Variants in SHISA6 observed in about 807,000 individuals in gnomAD.
The protein encoded by SHISA6 is shisa family member 6.
A neutral mutation model predicts 47.9 loss-of-function variants in SHISA6; 22 were observed. The observed-to-expected ratio is 0.46, with a 90% CI of 0.33 to 0.66. The LOEUF (loss-of-function observed/expected upper bound fraction) is 0.66, where lower values mean the gene tolerates loss of function less well. SHISA6 is among the 30% of genes least tolerant of loss of function. The pLI is 0.02. For synonymous variants in SHISA6, 388 were observed against 337.8 expected, an observed-to-expected ratio of 1.15 and a Z score of -1.63; for missense variants, 680 against 764.6, an observed-to-expected ratio of 0.89 and a Z score of 1.30.
chr17:11,331,315 C>T (rs1911102997), intron 2 of SHISA6, among the ~76,000 whole-genome samples: 1 of 152,208 alleles, frequency 6.6e-6, no homozygotes, highest in Admixed American at 6.5e-5. Flanking sequence ...CAACAAACAG[C>T]ATTTCTCACC....
At chr17:11,248,818 G>A (rs577120325) in intron 1 of SHISA6, among the ~76,000 whole-genome samples, 114 of 152,232 alleles carry the variant, frequency 7.5e-4, no homozygotes, top group Middle Eastern at 3.4e-3. Context: ...AAAAGTCACC[G>A]AATGAAACTG....
At chr17:11,490,524 G>A (rs931709896) in intron 3 of SHISA6, among the ~76,000 whole-genome samples, 2 of 152,124 alleles carry the variant, frequency 1.3e-5, no homozygotes, top group Admixed American at 1.3e-4. Context: ...CGATTTTAAT[G>A]TGAGTCTAAT....
intron 1 of SHISA6, among the ~76,000 whole-genome samples, chr17:11,255,981 C>T (rs1597424199): frequency 6.6e-6 from 1 of 152,204 alleles, no homozygotes; most frequent in African/African-American, 2.4e-5. Context: ...TATGATAACC[C>T]TAAGAGGCAG....
intron 3 of SHISA6, among the ~76,000 whole-genome samples, chr17:11,544,236 C>T (rs1391438815): frequency 3.3e-5 from 5 of 152,030 alleles, no homozygotes; most frequent in Non-Finnish European, 4.4e-5. Flanking sequence ...AAAATTAAAA[C>T]ATTTGCTCTG....
chr17:11,556,894 T>C (rs2071986025), intron 5 of SHISA6, among the ~76,000 whole-genome samples: 1 of 152,110 alleles, frequency 6.6e-6, no homozygotes, highest in Non-Finnish European at 1.5e-5. Context: ...ACCTGCAAGT[T>C]CAAGTAGGTT....
rs188870397 is a variant in SHISA6 at position 11,299,927 on chromosome 17, C to T, written c.799+36401C>T. On this transcript the variant is annotated intron_variant, in intron 2 of 5. Coordinates refer to ENST00000441885, the MANE Select transcript of SHISA6 (RefSeq NM_207386.4). ...TTGGGAGGCTGAGGTGGGCAGATCA[C>T]GAGGTAAGGAGATCAAGACCATCCT... is the stretch of plus-strand genomic sequence containing the variant. Among the ~76,000 whole-genome samples the T allele has an allele frequency of 7.9e-5, 12 of 152,114 alleles. No homozygotes were observed. In the East Asian group the frequency reaches 1.6e-3, roughly 20 times the overall value.
At chr17:11,371,928 G>T (rs1912642568) in intron 2 of SHISA6, among the ~76,000 whole-genome samples, 1 of 151,826 alleles carries the variant, frequency 6.6e-6, no homozygotes, top group Non-Finnish European at 1.5e-5. Context: ...TTGTGTTCAT[G>T]ATTATTTCCA....
intron 2 of SHISA6, among the ~76,000 whole-genome samples, chr17:11,362,278 T>C (rs930488615): frequency 1.3e-5 from 2 of 152,156 alleles, no homozygotes; most frequent in Admixed American, 1.3e-4. Context: ...TAGCTGGGAC[T>C]ACAGGCACGT....
chr17:11,530,177 A>G (rs1214900879), intron 3 of SHISA6, among the ~76,000 whole-genome samples: 1 of 152,196 alleles, frequency 6.6e-6, no homozygotes, highest in African/African-American at 2.4e-5. Flanking sequence ...TTAAGGACAT[A>G]CACTAAGTTC....
chr17:11,463,559 T>C (rs1364628880), intron 3 of SHISA6, among the ~76,000 whole-genome samples: 2 of 152,232 alleles, frequency 1.3e-5, no homozygotes, highest in Non-Finnish European at 2.9e-5. Flanking sequence ...TGCTGTCCTT[T>C]ATTACATATC....
At chr17:11,519,996 T>A (rs961579398) in intron 3 of SHISA6, among the ~76,000 whole-genome samples, 11 of 152,190 alleles carry the variant, frequency 7.2e-5, no homozygotes, top group Admixed American at 2.0e-4. Context: ...CTCTGTTCTC[T>A]CCTAGACCTT....
Position 11,562,943 on chromosome 17 carries a change from C to T in SHISA6, c.*4639C>T, listed in dbSNP as rs1024407598. On this transcript the variant is annotated 3_prime_UTR_variant, in exon 6 of 6. Coordinates refer to ENST00000441885, the MANE Select transcript of SHISA6 (RefSeq NM_207386.4). Reference sequence around the variant, plus strand: ...TCGTACCTGAAGTTTAAGGGCCTAACCATTCAATAGGTCACCAACTGTGTG... The same window carrying T: ...TCGTACCTGAAGTTTAAGGGCCTAATCATTCAATAGGTCACCAACTGTGTG... 2 of 152,296 alleles carry T rather than the reference C, an allele frequency of 1.3e-5. No individual in the cohort carries two copies. The highest frequency in any genetic ancestry group is 2.9e-5 in the Non-Finnish European group (2 of 68,118). The allele number at this position is 152,296 out of a possible 1,614,324, so 9.4% of individuals were successfully genotyped here.
chr17:11,392,089 C>T (rs1913403900), intron 3 of SHISA6, among the ~76,000 whole-genome samples: 1 of 152,168 alleles, frequency 6.6e-6, no homozygotes, highest in African/African-American at 2.4e-5. Flanking sequence ...TTCAGAGGGG[C>T]CAGAGCTCAT....
rs1423199780 is a variant in SHISA6 at position 11,481,360 on chromosome 17, GTGTGTGTATA to G, written c.896-70534_896-70525del. ...TATGTGTGTGTGTGTGTGTGTGTGT[GTGTGTGTATA>G]TATATATATATATATATTTAGAAAC... On this transcript the variant is annotated intron_variant, in intron 3 of 5. Transcript: ENST00000441885. Among the ~76,000 whole-genome samples, 5 of 111,596 alleles carry G rather than the reference GTGTGTGTATA, an allele frequency of 4.5e-5. No individual in the cohort carries two copies. The East Asian group carries it at 7.3e-4, about 16-fold the overall frequency. The allele number at this position is 111,596 out of a possible 152,430, so 73.2% of individuals were successfully genotyped here. A position where few individuals can be genotyped will look rare whatever the true frequency, so the allele number is the denominator to read the frequency against.
At chr17:11,378,837 G>A (rs1386275688) in intron 2 of SHISA6, among the ~76,000 whole-genome samples, 1 of 152,154 alleles carries the variant, frequency 6.6e-6, no homozygotes, top group African/African-American at 2.4e-5. Flanking sequence ...GGATTTCTCT[G>A]AAGTCACGAG....
Position 11,560,015 on chromosome 17 carries a change from G to C in SHISA6, c.*1711G>C, listed in dbSNP as rs2072026370. On this transcript the variant is annotated 3_prime_UTR_variant, in exon 6 of 6. Coordinates refer to ENST00000441885, the MANE Select transcript of SHISA6 (RefSeq NM_207386.4). Reference sequence around the variant, plus strand: ...ATCCAACAGCAGTGCCCTTATAAATGGGGTTTTACCTGCCCTCAGTTCTGC... The same window carrying C: ...ATCCAACAGCAGTGCCCTTATAAATCGGGTTTTACCTGCCCTCAGTTCTGC... 6.6e-6 allele frequency: 1 copy of C among 152,224 alleles called. No homozygotes were observed. Among genetic ancestry groups the C allele is most frequent in the South Asian group, 2.1e-4 (1 of 4,824 alleles). The allele number at this position is 152,224 out of a possible 1,614,324, so 9.4% of individuals were successfully genotyped here.
At chr17:11,468,603 G>C (rs1414956157) in intron 3 of SHISA6, among the ~76,000 whole-genome samples, 2 of 152,160 alleles carry the variant, frequency 1.3e-5, no homozygotes, top group African/African-American at 2.4e-5. Flanking sequence ...ACAAGGGCTA[G>C]TCCAAGCCCG....
At chr17:11,285,761 T>G (rs1909273019) in intron 2 of SHISA6, among the ~76,000 whole-genome samples, 1 of 152,032 alleles carries the variant, frequency 6.6e-6, no homozygotes, top group Non-Finnish European at 1.5e-5. Context: ...TTGTAGAAGC[T>G]TGTGGCTGCA....
In SHISA6 at chr17:11,563,469, CATTAACCT is replaced by C. The variant is rs973711977; in HGVS notation, c.*5166_*5173del. 2.0e-5 allele frequency: 3 copies of C among 152,182 alleles called. No individual in the cohort carries two copies. Among genetic ancestry groups the C allele is most frequent in the African/African-American group, 7.2e-5 (3 of 41,442 alleles). The allele number at this position is 152,182 out of a possible 1,614,324, so 9.4% of individuals were successfully genotyped here. A position where few individuals can be genotyped will look rare whatever the true frequency, so the allele number is the denominator to read the frequency against. On this transcript the variant is annotated 3_prime_UTR_variant, in exon 6 of 6. Coordinates refer to ENST00000441885, the MANE Select transcript of SHISA6 (RefSeq NM_207386.4). ...AACCCATCTTGTAAATCAGCAAACA[CATTAACCT>C]TCCATCAGTCAGAGAAATAATGTTG... is the stretch of plus-strand genomic sequence containing the variant.
Sources: gnomAD v4.1 joint callset for allele counts (sites outside exome capture counted in the v4.1 genomes callset) on GRCh38, gnomAD v4.1.1 for gene constraint, MANE v1.5 for transcripts, NCBI Gene and HGNC (gene_info 2026-07-23, HGNC 2026-07-21) for gene names.